CCDC148: variants seen among roughly 807,000 people sequenced by gnomAD.
CCDC148 encodes the protein coiled-coil domain-containing protein 148.
Under a neutral mutation model 85.7 loss-of-function variants are expected in CCDC148, and 89 were observed. The ratio of observed to expected loss-of-function variants is 1.04; its 90% CI spans 0.87 to 1.24. The LOEUF is 1.24. Ranked by LOEUF, CCDC148 falls within the 50% of genes most tolerant of loss-of-function variation. The pLI is 0.00. For synonymous variants in CCDC148, 230 were observed against 213.9 expected (o/e 1.08, Z -0.66); for missense variants, 692 against 671.7 (o/e 1.03, Z -0.33).
At chr2:158,374,773 T>A (rs773639725) in intron 1 of CCDC148, among the ~76,000 whole-genome samples, 1 of 151,962 alleles carries the variant, frequency 6.6e-6, no homozygotes, top group African/African-American at 2.4e-5. Context: ...CATACAGTCA[T>A]CTCTCAGTAT....
intron 7 of CCDC148, among the ~76,000 whole-genome samples, chr2:158,337,150 C>T (rs1170751430): frequency 6.6e-6 from 1 of 152,146 alleles, no homozygotes; most frequent in African/African-American, 2.4e-5. Flanking sequence ...AAGAATAACT[C>T]TTACTGGAAG....
chr2:158,286,196 T>C (rs1690616098), intron 9 of CCDC148, among the ~76,000 whole-genome samples: 1 of 152,130 alleles, frequency 6.6e-6, no homozygotes, highest in Non-Finnish European at 1.5e-5. Flanking sequence ...CTATTTTCAA[T>C]AGCAAAGACA....
At chr2:158,256,151 C>T (rs999359474) in intron 9 of CCDC148, among the ~76,000 whole-genome samples, 9 of 151,716 alleles carry the variant, frequency 5.9e-5, no homozygotes, top group Non-Finnish European at 1.3e-4. Flanking sequence ...ACAATATTAA[C>T]ACAATTTTAC....
At chr2:158,404,852 T>C (rs1205984118) in intron 1 of CCDC148, among the ~76,000 whole-genome samples, 1 of 152,090 alleles carries the variant, frequency 6.6e-6, no homozygotes, top group Non-Finnish European at 1.5e-5. Flanking sequence ...ACCAATCCAT[T>C]CTGAAAACTT....
intron 11 of CCDC148, among the ~76,000 whole-genome samples, chr2:158,189,809 T>C (rs1685333512): frequency 6.6e-6 from 1 of 151,992 alleles, no homozygotes; most frequent in Non-Finnish European, 1.5e-5. Context: ...TACTAGACTG[T>C]ATACTTCCTG....
intron 10 of CCDC148, among the ~76,000 whole-genome samples, chr2:158,228,971 A>AC (rs969765452): frequency 1.4e-3 from 124 of 85,958 alleles, no homozygotes; most frequent in African/African-American, 5.8e-3. Flanking sequence ...ACAAAACAAA[A>AC]AAAAAAAGAA....
intron 9 of CCDC148, among the ~76,000 whole-genome samples, chr2:158,278,982 G>C (rs1057462008): frequency 2.0e-5 from 3 of 152,292 alleles, no homozygotes; most frequent in Non-Finnish European, 4.4e-5. Flanking sequence ...AAAAACCACT[G>C]TTCTGCAGAC....
intron 1 of CCDC148, among the ~76,000 whole-genome samples, chr2:158,369,836 G>C (rs1036550700): frequency 6.6e-6 from 1 of 152,034 alleles, no homozygotes; most frequent in East Asian, 1.9e-4. Flanking sequence ...CTATTTTGAG[G>C]TATGTTTCAT....
intron 10 of CCDC148, among the ~76,000 whole-genome samples, chr2:158,229,901 G>A (rs1018640693): frequency 1.3e-5 from 2 of 152,088 alleles, no homozygotes; most frequent in African/African-American, 4.8e-5. Context: ...TCTTTGGCCA[G>A]GCATCTTAGC....
At chr2:158,332,634 T>C (rs1693197698) in intron 7 of CCDC148, among the ~76,000 whole-genome samples, 1 of 151,800 alleles carries the variant, frequency 6.6e-6, no homozygotes, top group Non-Finnish European at 1.5e-5. Flanking sequence ...GTACCTCTGG[T>C]AGAATTTGGC....
At chr2:158,186,177 G>C (rs533804209) in intron 11 of CCDC148, among the ~76,000 whole-genome samples, 1 of 152,144 alleles carries the variant, frequency 6.6e-6, no homozygotes, top group Non-Finnish European at 1.5e-5. Flanking sequence ...TATGGTTCTT[G>C]GAATTAACTA....
chr2:158,440,607 C>T (rs915492863), intron 1 of CCDC148, among the ~76,000 whole-genome samples: 28 of 152,054 alleles, frequency 1.8e-4, no homozygotes, highest in Non-Finnish European at 4.1e-4. Context: ...AAATTAGGCA[C>T]AGTAAAAGAT....
chr2:158,426,101 G>A (rs1687065603), intron 1 of CCDC148, among the ~76,000 whole-genome samples: 1 of 124,654 alleles, frequency 8.0e-6, no homozygotes, highest in Non-Finnish European at 2.0e-5. Flanking sequence ...ATATAGAAAA[G>A]AACACTGTAA....
At chr2:158,331,527 T>C (rs1693118043) in intron 7 of CCDC148, among the ~76,000 whole-genome samples, 1 of 152,186 alleles carries the variant, frequency 6.6e-6, no homozygotes, top group African/African-American at 2.4e-5. Context: ...TTATGTCCGC[T>C]TGGTGCAGAG....
At chr2:158,198,495 A>C (rs781479065) in intron 11 of CCDC148, among the ~76,000 whole-genome samples, 2 of 152,160 alleles carry the variant, frequency 1.3e-5, no homozygotes, top group Non-Finnish European at 2.9e-5. Context: ...TGGTCATTAT[A>C]TTCATTTTCT....
intron 10 of CCDC148, among the ~76,000 whole-genome samples, chr2:158,224,791 C>T (rs575136413): frequency 6.6e-6 from 1 of 152,194 alleles, no homozygotes. Context: ...CCTAAAAGAG[C>T]TCCTAAAGGA....
At chr2:158,183,128 C>T (rs186893422) in intron 11 of CCDC148, among the ~76,000 whole-genome samples, 41 of 152,196 alleles carry the variant, frequency 2.7e-4, no homozygotes, top group Admixed American at 1.3e-3. Flanking sequence ...GAGGCATTTT[C>T]GACTTCTCTT....
At chr2:158,203,156 T>C (rs1686054553) in intron 11 of CCDC148, among the ~76,000 whole-genome samples, 1 of 152,126 alleles carries the variant, frequency 6.6e-6, no homozygotes, top group African/African-American at 2.4e-5. Context: ...TTGGAGAGCA[T>C]TGTCTTATTT....
chr2:158,426,787 T>C (rs74751422), intron 1 of CCDC148, among the ~76,000 whole-genome samples: 433 of 152,336 alleles, frequency 2.8e-3, no homozygotes, highest in African/African-American at 9.2e-3. Flanking sequence ...ATATTTGCAC[T>C]TGTTGTGCTA....
Sources: allele counts gnomAD v4.1 joint callset (sites outside exome capture counted in the v4.1 genomes callset), GRCh38; gene constraint gnomAD v4.1.1; transcripts MANE v1.5; gene names NCBI Gene and HGNC (gene_info 2026-07-23, HGNC 2026-07-21).